EVC2: variants seen among roughly 807,000 people sequenced by gnomAD.
EVC2 encodes the protein EvC ciliary complex subunit 2, also known as limbin.
A neutral mutation model predicts 149.3 loss-of-function variants in EVC2; 148 were observed. The ratio of observed to expected loss-of-function variants is 0.99; its 90% CI spans 0.87 to 1.14. EVC2 has a LOEUF of 1.14. Among genes scored for constraint, EVC2 ranks in the 50% most tolerant of loss-of-function variants. EVC2 has a pLI of 0.00. For synonymous variants in EVC2, 776 were observed against 649.9 expected (o/e 1.19, Z -2.95); for missense variants, 1,854 against 1,627.3 (o/e 1.14, Z -2.40).
downstream of EVC2, among the ~76,000 whole-genome samples, chr4:5,540,182 C>T (rs1252509185): frequency 1.3e-5 from 2 of 152,228 alleles, no homozygotes; most frequent in African/African-American, 4.8e-5. Context: ...ACTGACCACA[C>T]TCAAGGTGTG....
downstream of EVC2, among the ~76,000 whole-genome samples, chr4:5,538,996 G>T (rs993622540): frequency 3.3e-5 from 5 of 152,078 alleles, no homozygotes; most frequent in African/African-American, 4.8e-5. Flanking sequence ...GATTGGAAAG[G>T]AAAATTTAAA....
At chr4:5,593,263 G>C (rs1460012448) in intron 16 of EVC2, among the ~76,000 whole-genome samples, 5 of 152,178 alleles carry the variant, frequency 3.3e-5, no homozygotes, top group African/African-American at 1.2e-4. Flanking sequence ...AAAAGCTCAA[G>C]TCAAAAGTTA....
At position 5,708,402 on chromosome 4, in the gene EVC2, G is replaced by T; in HGVS notation, c.112C>A (p.Arg38Ser). ...RGCLGASSRP[R>S]WRPLGAQPPR... ...GGCTGCGCGCCGAGGGGGCGCCAGC[G>T]GGGACGTGAGCTGGCGCCGAGACAG... The change falls in exon 1 of 22, where the codon CGC becomes AGC. Residue 38 changes from arginine to serine, a missense_variant. Physicochemically the swap from Arg to Ser is moderately radical, Grantham distance 110 (BLOSUM62 -1). Coordinates refer to ENST00000344408, the MANE Select transcript of EVC2 (RefSeq NM_147127.5). 1 of 1,500,026 alleles carries T rather than the reference G, an allele frequency of 6.7e-7. No homozygotes were observed. The highest frequency in any genetic ancestry group is 8.8e-7 in the Non-Finnish European group (1 of 1,131,650). The allele number at this position is 1,500,026 out of a possible 1,614,324, so 92.9% of individuals were successfully genotyped here.
rs1722366107 is a variant in EVC2, at chr4:5,567,564, A to C, written c.3557+880T>G. 6.7e-6 allele frequency among the ~76,000 whole-genome samples: 1 copy of C among 150,166 alleles called. No homozygotes were observed. The highest frequency in any genetic ancestry group is 1.5e-5 in the Non-Finnish European group (1 of 67,530). ...TTCCTTGCAGCCTCATTCCCCACCTACTCCATCCTCAAGGGGTACTGCTGG... is the reference window on the plus strand; with the variant it reads ...TTCCTTGCAGCCTCATTCCCCACCTCCTCCATCCTCAAGGGGTACTGCTGG... On this transcript the variant is annotated intron_variant, in intron 20 of 21. Transcript: ENST00000344408. This position sits in a 1 kb window ranked among gnomAD's most constrained non-coding sequence, Gnocchi z 4.4.
intron 17 of EVC2, among the ~76,000 whole-genome samples, chr4:5,578,689 G>A (rs1027800482): frequency 6.6e-6 from 1 of 152,056 alleles, no homozygotes; most frequent in African/African-American, 2.4e-5. Context: ...GGGGAAGAAA[G>A]ACACACACAG....
At chr4:5,539,835 T>TTAGA (rs141510342), downstream of EVC2, among the ~76,000 whole-genome samples, 17,908 of 152,062 alleles carry the variant, frequency 0.12, 1,128 homozygotes, top group South Asian at 0.29. Context: ...CAAATATTTC[T>TTAGA]TAGACACCAA....
At chr4:5,563,279 T>C (rs751445595) in intron 21 of EVC2, among the ~76,000 whole-genome samples, 164 bp from the exon 22 acceptor site, 4 of 152,204 alleles carry the variant, frequency 2.6e-5, no homozygotes, top group Non-Finnish European at 5.9e-5. Context: ...GCTGTAAAAT[T>C]AGCTGAAGCC....
intron 21 of EVC2, among the ~76,000 whole-genome samples, chr4:5,554,489 TAG>T (rs1262679837): frequency 6.6e-6 from 1 of 152,148 alleles, no homozygotes; most frequent in Non-Finnish European, 1.5e-5. Context: ...ATGATCATGA[TAG>T]AGAGATAAGA....
rs751443991 is a variant in EVC2 at position 5,628,710 on chromosome 4, A to C, written c.1735T>G (p.Phe579Val). 6 of 1,613,226 alleles carry C rather than the reference A, an allele frequency of 3.7e-6. No individual in the cohort carries two copies. In the African/African-American group the frequency reaches 6.7e-5, roughly 18 times the overall value. The change falls in exon 12 of 22, where the codon TTT (phenylalanine) becomes GTT (valine). Residue 579 changes from phenylalanine (F) to valine (V), a missense_variant. Coordinates refer to ENST00000344408, the MANE Select transcript of EVC2 (RefSeq NM_147127.5). Reference protein sequence around the residue: ...IQENVEELMDFFQASKRYHLS... With the variant: ...IQENVEELMDVFQASKRYHLS... ...TGATACCTCTTACTAGCCTGGAAAA[A>C]GTCCATTAACTCTTCTACATTCTCC...
chr4:5,663,560 G>C (rs1408404589), intron 8 of EVC2, among the ~76,000 whole-genome samples: 1 of 152,200 alleles, frequency 6.6e-6, no homozygotes, highest in African/African-American at 2.4e-5. Flanking sequence ...ATCATTATCA[G>C]GTAGAGGAAA....
At chr4:5,582,852 G>T (rs935881553) in intron 17 of EVC2, among the ~76,000 whole-genome samples, 5 of 152,122 alleles carry the variant, frequency 3.3e-5, no homozygotes, top group Non-Finnish European at 5.9e-5. Context: ...TTGTTTAAAA[G>T]TGTGTGGCAC....
At chr4:5,638,867 C>A (rs1223536380) in intron 10 of EVC2, among the ~76,000 whole-genome samples, 1 of 152,160 alleles carries the variant, frequency 6.6e-6, no homozygotes. Context: ...CTGAACCAAA[C>A]ATGGAAGGAT....
chr4:5,657,744 G>A lies in EVC2; in HGVS notation c.1145+5363C>T, dbSNP rs75428735. ...AATACAACAACATTAATTTGAAAAA[G>A]AAAAAAAAAAAAGGTAGTTTCCGGC... On this transcript the variant is annotated intron_variant, in intron 9 of 21. Coordinates refer to ENST00000344408, the MANE Select transcript of EVC2 (RefSeq NM_147127.5). The surrounding 1 kb of genome is among the most constrained non-coding windows in gnomAD (Gnocchi z 4.7). Among the ~76,000 whole-genome samples the A allele has an allele frequency of 1.5e-3, 221 of 145,842 alleles. No individual in the cohort carries two copies. The highest frequency in any genetic ancestry group is 1.8e-3 in the East Asian group (9 of 4,948).
rs140316127 is a variant in EVC2 at position 5,584,751 on chromosome 4, G to A, written c.2929C>T (p.Arg977Trp). 5.8e-5 allele frequency: 94 copies of A among 1,613,982 alleles called. No individual in the cohort carries two copies. Among genetic ancestry groups the A allele is most frequent in the African/African-American group, 3.3e-4 (25 of 74,902 alleles). ...LVALQFQKAS[R>W]VTETLSAYTA... ...TAGGCCGACAGAGTCTCGGTCACCC[G>A]GGACGCCTTCTGGAACTGCAGAGCA... Residue 977 changes from arginine to tryptophan, a missense_variant, in exon 17 of 22, where the codon CGG becomes TGG. Physicochemically the swap from Arg to Trp is moderately radical, Grantham distance 101. Coordinates refer to ENST00000344408, the MANE Select transcript of EVC2 (RefSeq NM_147127.5).
chr4:5,556,896 T>G lies in EVC2; in HGVS notation c.3419+8362A>C, dbSNP rs116648050. ...TTCACACAACGTGAAGGAGATAACC[T>G]AAATAAACCATATCTATTAAATAAA... On this transcript the variant is annotated intron_variant and NMD_transcript_variant, in intron 21 of 22. Transcript: ENST00000475313. 6.7e-3 allele frequency among the ~76,000 whole-genome samples: 940 copies of G among 140,988 alleles called. 9 individuals are homozygous for G. The highest frequency in any genetic ancestry group is 7.0e-3 in the Non-Finnish European group (441 of 63,092). The allele number at this position is 140,988 out of a possible 152,430, so 92.5% of individuals were successfully genotyped here.
intron 9 of EVC2, among the ~76,000 whole-genome samples, chr4:5,661,753 T>C (rs564833624): frequency 2.0e-3 from 305 of 152,312 alleles, no homozygotes; most frequent in African/African-American, 6.5e-3. Context: ...GGAGAAATCT[T>C]GGGCAATGAT....
In EVC2 at chr4:5,663,187, A is replaced by T; in HGVS notation, c.1065T>A (p.Asn355Lys). 4 of 1,614,142 alleles carry T rather than the reference A, an allele frequency of 2.5e-6. 1 individual carries two copies. The South Asian group carries it at 4.4e-5, about 18-fold the overall frequency. ...PLPFTSADGV[N>K]EDLSLNDQMI... ...TTTGGTCGTTAAGGGAAAGGTCCTC[A>T]TTCACGCCATCAGCTGAGGTGAACG... The change falls in exon 9 of 22, where the codon AAT becomes AAA. Residue 355 changes from asparagine to lysine, a missense_variant. Coordinates refer to ENST00000344408, the MANE Select transcript of EVC2 (RefSeq NM_147127.5).
rs1376235093 is a variant in EVC2, at chr4:5,640,117, G to A, written c.1470+397C>T. Among the ~76,000 whole-genome samples the A allele has an allele frequency of 6.6e-6, 1 of 152,064 alleles. No individual in the cohort carries two copies. The highest frequency in any genetic ancestry group is 2.4e-5 in the African/African-American group (1 of 41,402). On this transcript the variant is annotated intron_variant, in intron 10 of 21. Coordinates refer to ENST00000344408, the MANE Select transcript of EVC2 (RefSeq NM_147127.5). The surrounding 1 kb of genome is among the most constrained non-coding windows in gnomAD (Gnocchi z 4.6). ...GTGGATGGGTAGAAGGCTAGATGGG[G>A]AATAAGTGGATGGGTAAATTGTTGG...
chr4:5,629,259 G>A (rs1461624625), intron 11 of EVC2, among the ~76,000 whole-genome samples: 2 of 152,200 alleles, frequency 1.3e-5, no homozygotes, highest in African/African-American at 4.8e-5. Context: ...GATAATGTGA[G>A]GTGTGTTCTC....
Sources: gnomAD v4.1 joint callset for allele counts (sites outside exome capture counted in the v4.1 genomes callset) on GRCh38, gnomAD v4.1.1 for gene constraint, Gnocchi (gnomAD v3.1) non-coding constraint, MANE v1.5 for transcripts, NCBI Gene and HGNC (gene_info 2026-07-23, HGNC 2026-07-21) for gene names.